The following HS6ST3 variants were observed in gnomAD, a reference collection of about 807,000 sequenced individuals.
HS6ST3 encodes the protein heparan sulfate 6-O-sulfotransferase 3, also known as heparan-sulfate 6-O-sulfotransferase 3.
In HS6ST3, 12 loss-of-function variants were observed where a neutral mutation model predicts 36.7. The ratio of observed to expected loss-of-function variants is 0.33; its 90% CI spans 0.21 to 0.53. The LOEUF is 0.53. Ranked by LOEUF, HS6ST3 falls within the 20% of genes least tolerant of loss-of-function variation. The pLI, the probability that HS6ST3 is intolerant of heterozygous loss-of-function variation, is 0.95. For missense variants in HS6ST3, 584 were observed against 640.9 expected, an observed-to-expected ratio of 0.91 and a Z score of 0.96; for synonymous variants, 240 against 257.5, an observed-to-expected ratio of 0.93 and a Z score of 0.65.
chr13:96,511,440 G>A (rs2056049485), intron 1 of HS6ST3, among the ~76,000 whole-genome samples: 1 of 151,942 alleles, frequency 6.6e-6, no homozygotes, highest in Non-Finnish European at 1.5e-5. Context: ...TTCACAATCT[G>A]ATGGCTTCAA....
chr13:96,636,170 C>T (rs1483486273), intron 1 of HS6ST3, among the ~76,000 whole-genome samples: 7 of 152,122 alleles, frequency 4.6e-5, no homozygotes, highest in Non-Finnish European at 8.8e-5. Context: ...GGTACATTTG[C>T]GTTTGCCAGG....
chr13:96,632,667 G>A lies in HS6ST3; in HGVS notation c.708-199823G>A, dbSNP rs1395924378. Among the ~76,000 whole-genome samples, 4 of 152,178 alleles carry A rather than the reference G, an allele frequency of 2.6e-5. No individual in the cohort carries two copies. In the East Asian group the frequency reaches 7.7e-4, roughly 29 times the overall value. On this transcript the variant is annotated intron_variant, in intron 1 of 1. Transcript: ENST00000376705. The stretch of plus-strand genomic sequence containing the variant: ...TCACTGGTTTTGACATTTAGCTATG[G>A]CCTGCTGAGCTCTGAGAACAGTATA...
At chr13:96,492,982 A>G (rs74106486) in intron 1 of HS6ST3, among the ~76,000 whole-genome samples, 2,265 of 152,296 alleles carry the variant, frequency 0.015, 60 homozygotes, top group African/African-American at 0.051. Flanking sequence ...ACACTGGCCA[A>G]GGGCACTCTG....
At chr13:96,092,718 C>A (rs2053770838) in intron 1 of HS6ST3, among the ~76,000 whole-genome samples, 1 of 152,156 alleles carries the variant, frequency 6.6e-6, no homozygotes, top group African/African-American at 2.4e-5. Context: ...TGGAAGCTAC[C>A]CAGATTCTGG....
intron 1 of HS6ST3, among the ~76,000 whole-genome samples, chr13:96,412,019 T>C (rs1015960621): frequency 9.2e-5 from 14 of 152,144 alleles, no homozygotes; most frequent in Non-Finnish European, 1.8e-4. Context: ...CTTTCCTTTT[T>C]TTTTGAGACG....
chr13:96,392,074 A>C (rs2055398563), intron 1 of HS6ST3, among the ~76,000 whole-genome samples: 1 of 152,134 alleles, frequency 6.6e-6, no homozygotes, highest in Non-Finnish European at 1.5e-5. Flanking sequence ...CTGCTTTTCC[A>C]ACTCTGTCCA....
intron 1 of HS6ST3, among the ~76,000 whole-genome samples, chr13:96,399,933 G>A (rs1305421495): frequency 2.0e-5 from 3 of 152,056 alleles, no homozygotes; most frequent in Admixed American, 6.6e-5. Context: ...AATTTACTAC[G>A]TCAGTCCTGG....
chr13:96,443,458 A>T (rs1437624980), intron 1 of HS6ST3, among the ~76,000 whole-genome samples: 2 of 143,670 alleles, frequency 1.4e-5, no homozygotes, highest in Admixed American at 1.4e-4. Context: ...TGAACCCGGG[A>T]GGCAGAGCTT....
chr13:96,582,192 A>G (rs1456784824), intron 1 of HS6ST3, among the ~76,000 whole-genome samples: 1 of 152,212 alleles, frequency 6.6e-6, no homozygotes, highest in Non-Finnish European at 1.5e-5. Flanking sequence ...CTGTCATGAT[A>G]CAGCCTAAGA....
intron 1 of HS6ST3, among the ~76,000 whole-genome samples, chr13:96,412,030 G>T (rs545477996): frequency 6.6e-6 from 1 of 151,804 alleles, no homozygotes; most frequent in Non-Finnish European, 1.5e-5. Context: ...TTTTGAGACG[G>T]ATTCTCGCTC....
intron 1 of HS6ST3, among the ~76,000 whole-genome samples, chr13:96,399,368 A>T (rs2055437686): frequency 6.6e-6 from 1 of 152,138 alleles, no homozygotes; most frequent in African/African-American, 2.4e-5. Flanking sequence ...TATTTTATAG[A>T]TGAGAAAATT....
intron 1 of HS6ST3, among the ~76,000 whole-genome samples, chr13:96,730,859 G>A (rs1876133194): frequency 6.6e-6 from 1 of 152,072 alleles, no homozygotes. Flanking sequence ...TCAGCTTCCT[G>A]TAGCTAGGGT....
chr13:96,817,678 A>G (rs1224350742), intron 1 of HS6ST3, among the ~76,000 whole-genome samples: 1 of 152,042 alleles, frequency 6.6e-6, no homozygotes, highest in African/African-American at 2.4e-5. Flanking sequence ...CTTTATGTGT[A>G]TGCTTTGAAT....
At chr13:96,564,545 A>G (rs187075427) in intron 1 of HS6ST3, among the ~76,000 whole-genome samples, 30 of 152,334 alleles carry the variant, frequency 2.0e-4, no homozygotes, top group African/African-American at 6.7e-4. Flanking sequence ...TTAAAACCAT[A>G]GCAATATATA....
At chr13:96,749,670 G>GT (rs1373383462) in intron 1 of HS6ST3, among the ~76,000 whole-genome samples, 17 of 151,886 alleles carry the variant, frequency 1.1e-4, no homozygotes, top group Admixed American at 1.1e-3. Flanking sequence ...AATTATGTGG[G>GT]TTGGTAGTCT....
chr13:96,594,981 A>G (rs1031096951), intron 1 of HS6ST3, among the ~76,000 whole-genome samples: 3 of 152,170 alleles, frequency 2.0e-5, no homozygotes, highest in Admixed American at 6.6e-5. Context: ...GGAGAGCCTT[A>G]TGGCTACAGA....
At chr13:96,573,365 T>C (rs1355079728) in intron 1 of HS6ST3, among the ~76,000 whole-genome samples, 2 of 152,180 alleles carry the variant, frequency 1.3e-5, no homozygotes, top group Non-Finnish European at 2.9e-5. Context: ...TTTGGGCCTA[T>C]GGGCCTGCTT....
chr13:96,575,870 C>T (rs1443147505), intron 1 of HS6ST3, among the ~76,000 whole-genome samples: 3 of 152,180 alleles, frequency 2.0e-5, no homozygotes, highest in African/African-American at 7.2e-5. Flanking sequence ...AAATGATGCA[C>T]AGAAGTGGCC....
At chr13:96,300,457 G>A (rs1162220096) in intron 1 of HS6ST3, among the ~76,000 whole-genome samples, 2 of 152,038 alleles carry the variant, frequency 1.3e-5, no homozygotes, top group Non-Finnish European at 2.9e-5. Context: ...CTCCCACCAG[G>A]TCCCTCCTCC....
Sources: allele counts gnomAD v4.1 joint callset (sites outside exome capture counted in the v4.1 genomes callset), GRCh38; gene constraint gnomAD v4.1.1; transcripts MANE v1.5; gene names NCBI Gene and HGNC (gene_info 2026-07-23, HGNC 2026-07-21).